Variants in TP53INP2 observed in about 807,000 individuals in gnomAD.
The protein encoded by TP53INP2 is tumor protein p53-inducible nuclear protein 2.
TP53INP2 carries 12 observed loss-of-function variants against 17.1 expected under a neutral mutation model. The ratio of observed to expected loss-of-function variants is 0.70; its 90% CI spans 0.45 to 1.14. TP53INP2 has a LOEUF of 1.14. TP53INP2 is among the 50% of genes most tolerant of loss of function. TP53INP2 has a pLI of 0.00. For missense variants in TP53INP2, 342 were observed against 330.9 expected (o/e 1.03, Z -0.26); for synonymous variants, 145 against 147.3 (o/e 0.98, Z 0.12).
Position 34,710,377 on chromosome 20 carries a change from C to T in TP53INP2, c.*70C>T. The T allele has an allele frequency of 1.6e-6, 2 of 1,254,288 alleles. No individual in the cohort carries two copies. The highest frequency in any genetic ancestry group is 2.0e-6 in the Non-Finnish European group (2 of 993,952). 77.7% of individuals were successfully genotyped at this position (1,254,288 alleles called of 1,614,324 possible). ...TGTCGGGCTCCTCCGACTCCTCGGG[C>T]TGGACACCGAAACCTCCCTTCTTAA... On this transcript the variant is annotated 3_prime_UTR_variant, in exon 5 of 5. Transcript: ENST00000374810. This position sits in a 1 kb window ranked among gnomAD's most constrained non-coding sequence, Gnocchi z 4.9.
chr20:34,709,100 CGCTGCGGACGG>C lies in TP53INP2; in HGVS notation c.125-128_125-118del. 7.0e-7 allele frequency: 1 copy of C among 1,435,530 alleles called. No individual in the cohort carries two copies. Among genetic ancestry groups the C allele is most frequent in the Non-Finnish European group, 9.1e-7 (1 of 1,097,624 alleles). The allele number at this position is 1,435,530 out of a possible 1,614,324, so 88.9% of individuals were successfully genotyped here. The stretch of plus-strand genomic sequence containing the variant: ...CGCCTGGCCCGTGGGTGCCCCGGGG[CGCTGCGGACGG>C]GCTGCGGGTCTGACTAACGATGCCC... On this transcript the variant is annotated intron_variant, in intron 3 of 4. Transcript: ENST00000374810. This position sits in a 1 kb window ranked among gnomAD's most constrained non-coding sequence, Gnocchi z 5.4.
At chr20:34,706,507 TG>T in intron 2 of TP53INP2, among the ~76,000 whole-genome samples, 1 of 152,298 alleles carries the variant, frequency 6.6e-6, no homozygotes, top group East Asian at 1.9e-4. Flanking sequence ...CTTTTGGTAA[TG>T]GAGTCACTAG....
At position 34,710,124 on chromosome 20, in the gene TP53INP2, G is replaced by T; in HGVS notation, c.480G>T (p.Ala160=). 1 of 1,263,800 alleles carries T rather than the reference G, an allele frequency of 7.9e-7. No homozygotes were observed. The highest frequency in any genetic ancestry group is 3.1e-5 in the South Asian group (1 of 32,128). The allele number at this position is 1,263,800 out of a possible 1,614,324, so 78.3% of individuals were successfully genotyped here. The change falls in exon 5 of 5, where the codon GCG becomes GCT. Residue 160 remains alanine (A), a synonymous_variant. Transcript: ENST00000374810. The surrounding 1 kb of genome is among the most constrained non-coding windows in gnomAD (Gnocchi z 4.9). ...ARHAAPLPAR[A]ALLEKAGQVR... ...ACGCCGCTCCTCTCCCAGCGCGGGC[G>T]GCGCTGCTGGAGAAGGCGGGCCAGG...
Position 34,710,602 on chromosome 20 carries a change from A to C in TP53INP2, c.*295A>C, listed in dbSNP as rs1600696375. The C allele has an allele frequency of 6.8e-6, 2 of 294,750 alleles. No individual in the cohort carries two copies. The allele number at this position is 294,750 out of a possible 1,614,324, so 18.3% of individuals were successfully genotyped here. A position where few individuals can be genotyped will look rare whatever the true frequency, so the allele number is the denominator to read the frequency against. On this transcript the variant is annotated 3_prime_UTR_variant, in exon 5 of 5. Coordinates refer to ENST00000374810, the MANE Select transcript of TP53INP2 (RefSeq NM_021202.3). This position sits in a 1 kb window ranked among gnomAD's most constrained non-coding sequence, Gnocchi z 4.9. The stretch of plus-strand genomic sequence containing the variant: ...GTCCCCATCCCTGTCTCTCCCTTTC[A>C]CCCTTGCCCTCCAGTCCTCTACCTC...
chr20:34,709,618 C>G lies in TP53INP2; in HGVS notation c.413+94C>G, dbSNP rs895030368. On this transcript the variant is annotated intron_variant, in intron 4 of 4. Coordinates refer to ENST00000374810, the MANE Select transcript of TP53INP2 (RefSeq NM_021202.3). The surrounding 1 kb of genome is among the most constrained non-coding windows in gnomAD (Gnocchi z 5.4). Reference sequence around the variant, plus strand: ...GAGGCTGGGGTAGTGGGGCCAGGAGCCCGCCCCGCGCTCGAGGGGGTAGCG... The same window carrying G: ...GAGGCTGGGGTAGTGGGGCCAGGAGGCCGCCCCGCGCTCGAGGGGGTAGCG... 4 of 1,455,478 alleles carry G rather than the reference C, an allele frequency of 2.7e-6. No homozygotes were observed. The highest frequency in any genetic ancestry group is 2.7e-6 in the Non-Finnish European group (3 of 1,111,688). The allele number at this position is 1,455,478 out of a possible 1,614,324, so 90.2% of individuals were successfully genotyped here.
At position 34,711,081 on chromosome 20, in the gene TP53INP2, C is replaced by T. The variant is rs1312096962; in HGVS notation, c.*774C>T. On this transcript the variant is annotated 3_prime_UTR_variant, in exon 5 of 5. Coordinates refer to ENST00000374810, the MANE Select transcript of TP53INP2 (RefSeq NM_021202.3). The surrounding 1 kb of genome is among the most constrained non-coding windows in gnomAD (Gnocchi z 4.1). ...GAGCAGGGCACCAAGGGAGTGTGCA[C>T]TGTGCTTGCTCAGAGAGGCCAAACC... 1 of 152,328 alleles carries T rather than the reference C, an allele frequency of 6.6e-6. No individual in the cohort carries two copies. Among genetic ancestry groups the T allele is most frequent in the Non-Finnish European group, 1.5e-5 (1 of 68,126 alleles). 9.4% of individuals were successfully genotyped at this position (152,328 alleles called of 1,614,324 possible).
chr20:34,708,626 T>A, intron 2 of TP53INP2, 65 bp from the exon 3 acceptor site: 1 of 977,202 alleles, frequency 1.0e-6, no homozygotes, highest in Non-Finnish European at 1.5e-6. Context: ...TTCTGGCCTC[T>A]TCCCCAGGCC....
Position 34,710,291 on chromosome 20 carries a change from G to A in TP53INP2, c.647G>A (p.Arg216His). The A allele has an allele frequency of 1.4e-6, 2 of 1,405,626 alleles. No individual in the cohort carries two copies. The highest frequency in any genetic ancestry group is 9.4e-7 in the Non-Finnish European group (1 of 1,067,790). The allele number at this position is 1,405,626 out of a possible 1,614,324, so 87.1% of individuals were successfully genotyped here. A position where few individuals can be genotyped will look rare whatever the true frequency, so the allele number is the denominator to read the frequency against. ...QSSFIYQPCQ[R>H]QFNY ...AGCTTCATCTACCAGCCGTGCCAGC[G>A]CCAGTTCAACTACTGAGCGTCCACC... is the stretch of plus-strand genomic sequence containing the variant. The change falls in exon 5 of 5, where the codon CGC (arginine) becomes CAC (histidine). Residue 216 changes from arginine to histidine, a missense_variant. Transcript: ENST00000374810. The surrounding 1 kb of genome is among the most constrained non-coding windows in gnomAD (Gnocchi z 4.9).
At chr20:34,708,541 G>C (rs1333805379) in intron 2 of TP53INP2, 150 bp from the exon 3 acceptor site, 2 of 468,274 alleles carry the variant, frequency 4.3e-6, no homozygotes, top group Admixed American at 8.0e-5. Context: ...TTTGAATGCA[G>C]AAAGCACATC....
chr20:34,708,903 C>G (rs375778231), intron 3 of TP53INP2, 40 bp downstream of exon 3: 3 of 1,601,044 alleles, frequency 1.9e-6, no homozygotes, highest in Non-Finnish European at 2.6e-6. Context: ...TGAAGTCATT[C>G]TAAGGGCAGA....
At position 34,709,626 on chromosome 20, in the gene TP53INP2, G is replaced by A. The variant is rs868200379; in HGVS notation, c.413+102G>A. The A allele has an allele frequency of 6.9e-7, 1 of 1,450,724 alleles. No homozygotes were observed. Among genetic ancestry groups the A allele is most frequent in the Non-Finnish European group, 9.0e-7 (1 of 1,109,356 alleles). The allele number at this position is 1,450,724 out of a possible 1,614,324, so 89.9% of individuals were successfully genotyped here. Reference sequence around the variant, plus strand: ...GGTAGTGGGGCCAGGAGCCCGCCCCGCGCTCGAGGGGGTAGCGGCCTTGGG... The same window carrying A: ...GGTAGTGGGGCCAGGAGCCCGCCCCACGCTCGAGGGGGTAGCGGCCTTGGG... On this transcript the variant is annotated intron_variant, in intron 4 of 4. Transcript: ENST00000374810. This position sits in a 1 kb window ranked among gnomAD's most constrained non-coding sequence, Gnocchi z 5.4.
Position 34,711,594 on chromosome 20 carries a change from T to C in TP53INP2, c.*1287T>C, listed in dbSNP as rs908385075. 6.6e-6 allele frequency: 1 copy of C among 152,270 alleles called. No homozygotes were observed. Among genetic ancestry groups the C allele is most frequent in the Non-Finnish European group, 1.5e-5 (1 of 68,044 alleles). The allele number at this position is 152,270 out of a possible 1,614,324, so 9.4% of individuals were successfully genotyped here. A position where few individuals can be genotyped will look rare whatever the true frequency, so the allele number is the denominator to read the frequency against. On this transcript the variant is annotated 3_prime_UTR_variant, in exon 5 of 5. Coordinates refer to ENST00000374810, the MANE Select transcript of TP53INP2 (RefSeq NM_021202.3). The surrounding 1 kb of genome is among the most constrained non-coding windows in gnomAD (Gnocchi z 4.1). ...TTTCTCCCACAGGCCTCTCTTTCTT[T>C]CTAGGTTGCTGGGGAGAAATGGGTA...
At chr20:34,706,878 A>T (rs1347914524) in intron 2 of TP53INP2, among the ~76,000 whole-genome samples, 1 of 152,214 alleles carries the variant, frequency 6.6e-6, no homozygotes, top group Non-Finnish European at 1.5e-5. Flanking sequence ...CAAGTGTCTC[A>T]GCAGCAAAAC....
intron 1 of TP53INP2, among the ~76,000 whole-genome samples, 187 bp from the exon 2 acceptor site, chr20:34,705,157 GCTCTCTCGAGGTCA>G (rs1987979415): frequency 1.3e-5 from 2 of 152,336 alleles, no homozygotes; most frequent in African/African-American, 4.8e-5. Context: ...AGGAGGATTA[GCTCTCTCGAGGTCA>G]CATAACCAAT....
Position 34,709,192 on chromosome 20 carries a change from C to CGCTGCTCCCCTCCTCT in TP53INP2, c.125-41_125-26dup. On this transcript the variant is annotated intron_variant, in intron 3 of 4. Coordinates refer to ENST00000374810, the MANE Select transcript of TP53INP2 (RefSeq NM_021202.3). The surrounding 1 kb of genome is among the most constrained non-coding windows in gnomAD (Gnocchi z 5.4). ...GTGTGTGTGTGTGTGTGTGCCTCCT[C>CGCTGCTCCCCTCCTCT]GCTGCTCCCCTCCTCTGCACGGCTC... 6.6e-7 allele frequency: 1 copy of CGCTGCTCCCCTCCTCT among 1,506,286 alleles called. No homozygotes were observed. The allele number at this position is 1,506,286 out of a possible 1,614,324, so 93.3% of individuals were successfully genotyped here.
In TP53INP2 at chr20:34,712,144, C is replaced by A. The variant is rs750566343; in HGVS notation, c.*1837C>A. 4 of 152,720 alleles carry A rather than the reference C, an allele frequency of 2.6e-5. No individual in the cohort carries two copies. Among genetic ancestry groups the A allele is most frequent in the Non-Finnish European group, 5.9e-5 (4 of 68,124 alleles). 9.5% of individuals were successfully genotyped at this position (152,720 alleles called of 1,614,324 possible). A position where few individuals can be genotyped will look rare whatever the true frequency, so the allele number is the denominator to read the frequency against. ...GCTCCCACGCCAGTCCACTAGGGCC[C>A]CAGTAGTTGACAGCCTTGCTCCTCT... is the stretch of plus-strand genomic sequence containing the variant. On this transcript the variant is annotated 3_prime_UTR_variant, in exon 5 of 5. Coordinates refer to ENST00000374810, the MANE Select transcript of TP53INP2 (RefSeq NM_021202.3).
intron 2 of TP53INP2, among the ~76,000 whole-genome samples, chr20:34,706,749 A>G (rs1988013086): frequency 6.6e-6 from 1 of 152,216 alleles, no homozygotes; most frequent in South Asian, 2.1e-4. Context: ...GGAGGTAGCA[A>G]TAAGCATGGC....
chr20:34,709,282 G>T lies in TP53INP2; in HGVS notation c.171G>T (p.Ala57=). 1 of 1,604,504 alleles carries T rather than the reference G, an allele frequency of 6.2e-7. No homozygotes were observed. The highest frequency in any genetic ancestry group is 8.5e-7 in the Non-Finnish European group (1 of 1,175,642). The change falls in exon 4 of 5, where the codon GCG becomes GCT. Residue 57 remains alanine (A), a synonymous_variant. Coordinates refer to ENST00000374810, the MANE Select transcript of TP53INP2 (RefSeq NM_021202.3). The surrounding 1 kb of genome is among the most constrained non-coding windows in gnomAD (Gnocchi z 5.4). The part of the protein sequence containing the change: ...PPSPGAAPAP[A]GRPPPAPSLM... ...GCCCCGGGGCCGCCCCTGCCCCCGC[G>T]GGCCGCCCTCCGCCCGCGCCCTCCT...
rs1333583302 is a variant in TP53INP2, at chr20:34,712,997, T to G, written c.*2690T>G. On this transcript the variant is annotated 3_prime_UTR_variant, in exon 5 of 5. Transcript: ENST00000374810. Reference sequence around the variant, plus strand: ...AATGCAGTTTGGTGCTGTTTTAGAGTATGCCTGCTCCCCAGCCCCCTGCCT... The same window carrying G: ...AATGCAGTTTGGTGCTGTTTTAGAGGATGCCTGCTCCCCAGCCCCCTGCCT... 6.5e-6 allele frequency: 1 copy of G among 152,714 alleles called. No homozygotes were observed. The highest frequency in any genetic ancestry group is 2.1e-4 in the South Asian group (1 of 4,820). 9.5% of individuals were successfully genotyped at this position (152,714 alleles called of 1,614,324 possible).
Sources: gnomAD v4.1 joint callset for allele counts (sites outside exome capture counted in the v4.1 genomes callset) on GRCh38, gnomAD v4.1.1 for gene constraint, Gnocchi (gnomAD v3.1) non-coding constraint, MANE v1.5 for transcripts, NCBI Gene and HGNC (gene_info 2026-07-23, HGNC 2026-07-21) for gene names.